The following DGLUCY variants were observed in gnomAD, a reference collection of about 807,000 sequenced individuals.
The protein encoded by DGLUCY is D-glutamate cyclase, mitochondrial.
A neutral mutation model predicts 58.5 loss-of-function variants in DGLUCY; 58 were observed. That is an observed-to-expected ratio of 0.99 (90% CI 0.80 to 1.23). The LOEUF (loss-of-function observed/expected upper bound fraction) is 1.23. Ranked by LOEUF, DGLUCY falls within the 50% of genes most tolerant of loss-of-function variation. The pLI is 0.00. For missense variants in DGLUCY, 779 were observed against 784.7 expected, an observed-to-expected ratio of 0.99 and a Z score of 0.09; for synonymous variants, 325 against 314.1, an observed-to-expected ratio of 1.03 and a Z score of -0.37.
intron 8 of DGLUCY, among the ~76,000 whole-genome samples, 164 bp from the exon 9 acceptor site, chr14:91,188,746 G>T (rs745651334): frequency 2.0e-5 from 3 of 152,136 alleles, no homozygotes; most frequent in East Asian, 1.9e-4. Flanking sequence ...GGAGGATCAC[G>T]TGAGCCCAGG....
intron 1 of DGLUCY, among the ~76,000 whole-genome samples, chr14:91,121,730 A>G (rs1251303650): frequency 1.3e-5 from 2 of 152,070 alleles, no homozygotes; most frequent in Non-Finnish European, 2.9e-5. Flanking sequence ...TTATTTATCT[A>G]TCATCAAGTA....
chr14:91,198,966 A>G (rs2050389075), intron 10 of DGLUCY, among the ~76,000 whole-genome samples: 5 of 151,898 alleles, frequency 3.3e-5, no homozygotes, highest in Admixed American at 3.3e-4. Context: ...TGTGCCCCTT[A>G]TTTCTCTGTT....
chr14:91,066,194 A>G (rs2043816364), intron 1 of DGLUCY, among the ~76,000 whole-genome samples: 1 of 152,172 alleles, frequency 6.6e-6, no homozygotes, highest in Non-Finnish European at 1.5e-5. Flanking sequence ...CCTGGCCAAC[A>G]TGGTGAAACC....
chr14:91,106,972 T>C (rs1448082039), upstream of DGLUCY, among the ~76,000 whole-genome samples: 1 of 152,192 alleles, frequency 6.6e-6, no homozygotes, highest in Non-Finnish European at 1.5e-5. Context: ...TTTAAACAGT[T>C]ACAGTTTGCA....
At chr14:91,128,332 C>T in intron 1 of DGLUCY, among the ~76,000 whole-genome samples, 1 of 143,262 alleles carries the variant, frequency 7.0e-6, no homozygotes. Flanking sequence ...AAAAAACCCA[C>T]AAGAATATTA....
intron 1 of DGLUCY, among the ~76,000 whole-genome samples, chr14:91,070,093 A>G (rs1198682578): frequency 6.6e-6 from 1 of 152,212 alleles, no homozygotes; most frequent in African/African-American, 2.4e-5. Flanking sequence ...ACTGAAATTT[A>G]TATTTGACTT....
chr14:91,206,571 C>T (rs779141742), intron 12 of DGLUCY, among the ~76,000 whole-genome samples: 3 of 151,686 alleles, frequency 2.0e-5, no homozygotes, highest in Admixed American at 6.6e-5. Context: ...TTGGTAGAGA[C>T]GGGGTTTCGC....
intron 12 of DGLUCY, among the ~76,000 whole-genome samples, chr14:91,211,661 C>T (rs748578863): frequency 6.6e-5 from 10 of 152,238 alleles, no homozygotes; most frequent in Non-Finnish European, 1.3e-4. Flanking sequence ...GACATATAGA[C>T]GTTACATCCT....
At chr14:91,096,415 C>T (rs1357854485) in intron 1 of DGLUCY, among the ~76,000 whole-genome samples, 1 of 147,156 alleles carries the variant, frequency 6.8e-6, no homozygotes. Context: ...GAGCGAGACT[C>T]CATCTCAGGG....
Position 91,167,884 on chromosome 14 carries a change from C to T in DGLUCY, c.257+506C>T, listed in dbSNP as rs190542487. ...ATCTTCCCTGGCCTAGCCCTAGTCT[C>T]ATCCTTTCTTCCCCAACCCTGTCAT... On this transcript the variant is annotated intron_variant, in intron 4 of 13. Transcript: ENST00000256324. Among the ~76,000 whole-genome samples the T allele has an allele frequency of 2.8e-3, 421 of 152,284 alleles. 3 individuals carry two copies. The highest frequency in any genetic ancestry group is 9.8e-3 in the African/African-American group (406 of 41,560).
chr14:91,131,383 C>A (rs1236112788), intron 1 of DGLUCY, among the ~76,000 whole-genome samples: 1 of 2,150 alleles, frequency 4.7e-4, no homozygotes, highest in African/African-American at 6.0e-4. Context: ...TTGAGATATT[C>A]TCTTTTTTTT....
intron 8 of DGLUCY, among the ~76,000 whole-genome samples, chr14:91,182,090 C>T (rs1190571770): frequency 6.6e-6 from 1 of 152,104 alleles, no homozygotes; most frequent in Non-Finnish European, 1.5e-5. Flanking sequence ...AAGTGATTCT[C>T]CTGCCTCAGC....
chr14:91,199,576 T>G (rs2050426559), intron 10 of DGLUCY, among the ~76,000 whole-genome samples, 181 bp from the exon 11 acceptor site: 1 of 152,072 alleles, frequency 6.6e-6, no homozygotes. Flanking sequence ...TTAAACTGAC[T>G]TAATAGACTA....
At chr14:91,102,477 CCCT>C (rs2044504198) in intron 1 of DGLUCY, among the ~76,000 whole-genome samples, 1 of 152,120 alleles carries the variant, frequency 6.6e-6, no homozygotes, top group African/African-American at 2.4e-5. Context: ...TGCTGCCACC[CCCT>C]CCTCCTCCGG....
At chr14:91,140,574 G>C (rs957082256) in intron 1 of DGLUCY, among the ~76,000 whole-genome samples, 3 of 152,206 alleles carry the variant, frequency 2.0e-5, no homozygotes, top group African/African-American at 7.2e-5. Context: ...GAGAGGCTGA[G>C]GTGGGAGAAT....
intron 1 of DGLUCY, among the ~76,000 whole-genome samples, chr14:91,151,002 A>G (rs1428527642): frequency 6.6e-6 from 1 of 152,170 alleles, no homozygotes; most frequent in African/African-American, 2.4e-5. Context: ...GGTCACCACC[A>G]TTCAGCTTTC....
At chr14:91,115,529 T>G (rs965276506) in intron 1 of DGLUCY, among the ~76,000 whole-genome samples, 14 of 152,208 alleles carry the variant, frequency 9.2e-5, no homozygotes, top group African/African-American at 3.4e-4. Flanking sequence ...GTTCAGGCTA[T>G]TCTCCTGCCT....
intron 1 of DGLUCY, among the ~76,000 whole-genome samples, chr14:91,139,182 A>G (rs2046510682): frequency 6.6e-6 from 1 of 152,180 alleles, no homozygotes; most frequent in African/African-American, 2.4e-5. Context: ...AGGAGCACTG[A>G]TGGGGCAAAT....
intron 13 of DGLUCY, among the ~76,000 whole-genome samples, chr14:91,216,677 A>G (rs1359771238): frequency 6.7e-6 from 1 of 148,724 alleles, no homozygotes; most frequent in East Asian, 2.0e-4. Context: ...CTGGGAAGGG[A>G]CAGATCATGT....
Sources: allele counts gnomAD v4.1 joint callset (sites outside exome capture counted in the v4.1 genomes callset), GRCh38; gene constraint gnomAD v4.1.1; transcripts MANE v1.5; gene names NCBI Gene and HGNC (gene_info 2026-07-23, HGNC 2026-07-21).